The following SPTBN4 variants were observed in gnomAD, a reference collection of about 807,000 sequenced individuals.
SPTBN4 encodes the protein spectrin beta, non-erythrocytic 4.
SPTBN4 carries 96 observed loss-of-function variants against 277.8 expected under a neutral mutation model. That is an observed-to-expected ratio of 0.35 (90% CI 0.29 to 0.41). The LOEUF (loss-of-function observed/expected upper bound fraction) is 0.41. Among genes scored for constraint, SPTBN4 ranks in the 10% least tolerant of loss-of-function variants. The pLI is 1.00. For missense variants in SPTBN4, 3,006 were observed against 3,595.7 expected (o/e 0.84, Z 4.19); for synonymous variants, 1,481 against 1,580.3 (o/e 0.94, Z 1.49).
At chr19:40,501,222 G>C (rs1237977196) in intron 7 of SPTBN4, among the ~76,000 whole-genome samples, 1 of 151,040 alleles carries the variant, frequency 6.6e-6, no homozygotes, top group East Asian at 1.9e-4. Context: ...CTGGACAAGA[G>C]AGCCAGACTC....
chr19:40,535,074 A>G (rs897848179), intron 20 of SPTBN4, among the ~76,000 whole-genome samples: 3 of 151,790 alleles, frequency 2.0e-5, no homozygotes, highest in African/African-American at 7.3e-5. Flanking sequence ...TTTTTTCTTC[A>G]AGATAGTTAC....
chr19:40,520,225 C>CGGGG, intron 16 of SPTBN4, 74 bp downstream of exon 16: 1 of 699,528 alleles, frequency 1.4e-6, no homozygotes, highest in East Asian at 5.3e-5. Flanking sequence ...CAGGGACATG[C>CGGGG]GGGGGTGGGG....
At chr19:40,493,394 C>T (rs1357562573) in intron 5 of SPTBN4, among the ~76,000 whole-genome samples, 1 of 152,130 alleles carries the variant, frequency 6.6e-6, no homozygotes, top group Non-Finnish European at 1.5e-5. Flanking sequence ...GACTACTGCA[C>T]CCCACCCAGT....
rs745857677 is a variant in SPTBN4 at position 40,501,996 on chromosome 19, T to G, written c.860T>G (p.Met287Arg). Residue 287 changes from methionine (M) to arginine (R), a missense_variant, in exon 8 of 36, where the codon ATG becomes AGG. Physicochemically the swap from Met to Arg is moderately conservative, Grantham distance 91 (BLOSUM62 -1). Around this residue, in one of 5 missense-constraint regions of SPTBN4, gnomAD observed 1,759 missense variants for 2,061.5 expected, o/e 0.85. Transcript: ENST00000598249. ...TCTTTCTACCACTATTTCTCCAAGATGAAGGCTCTGGCTGTGGAGGGGAAG... is the reference window on the plus strand; with the variant it reads ...TCTTTCTACCACTATTTCTCCAAGAGGAAGGCTCTGGCTGTGGAGGGGAAG... ...VVSFYHYFSKMKALAVEGKRI... is the reference protein window; with the variant it reads ...VVSFYHYFSKRKALAVEGKRI... 5 of 1,614,080 alleles carry G rather than the reference T, an allele frequency of 3.1e-6. No individual in the cohort carries two copies. Among genetic ancestry groups the G allele is most frequent in the Non-Finnish European group, 4.2e-6 (5 of 1,180,036 alleles).
At position 40,564,580 on chromosome 19, in the gene SPTBN4, C is replaced by T. The variant is rs2081073864; in HGVS notation, c.5916-843C>T. ...TTGGCTGGGTGTGGTGGCTTATGCC[C>T]ATAGCCTTGAACTTTGGGAGGCTGA... is the stretch of plus-strand genomic sequence containing the variant. On this transcript the variant is annotated intron_variant, in intron 27 of 35. Transcript: ENST00000598249. Among the ~76,000 whole-genome samples the T allele has an allele frequency of 3.9e-5, 6 of 152,010 alleles. No homozygotes were observed. The East Asian group carries it at 1.2e-3, about 30-fold the overall frequency.
chr19:40,570,790 G>A, intron 33 of SPTBN4, 62 bp downstream of exon 33: 1 of 1,560,014 alleles, frequency 6.4e-7, no homozygotes, highest in Non-Finnish European at 8.7e-7. Flanking sequence ...ATTGCGTGGA[G>A]CGGTGGGACT....
At chr19:40,511,955 C>T (rs112195042) in intron 13 of SPTBN4, among the ~76,000 whole-genome samples, 2,989 of 152,210 alleles carry the variant, frequency 0.02, 38 homozygotes, top group Admixed American at 0.034. Flanking sequence ...GAAACCCCGT[C>T]TCTACTAAAA....
intron 20 of SPTBN4, among the ~76,000 whole-genome samples, chr19:40,546,225 CA>C (rs557010488): frequency 0.29 from 19,900 of 69,098 alleles, 1,220 homozygotes; most frequent in Middle Eastern, 0.35. Context: ...AACTCCATCT[CA>C]AAAAAAAAAA....
chr19:40,529,672 CAGG>C (rs1468009516), intron 18 of SPTBN4, among the ~76,000 whole-genome samples: 2 of 152,146 alleles, frequency 1.3e-5, no homozygotes, highest in African/African-American at 2.4e-5. Context: ...AGTGACGGTT[CAGG>C]AGACCTGCTG....
rs1421822695 is a variant in SPTBN4, at chr19:40,515,325, A to G, written c.2780A>G (p.Asp927Gly). 6.2e-7 allele frequency: 1 copy of G among 1,612,800 alleles called. No homozygotes were observed. Among genetic ancestry groups the G allele is most frequent in the African/African-American group, 1.3e-5 (1 of 74,872 alleles). The change falls in exon 15 of 36, where the codon GAC becomes GGC. Residue 927 changes from aspartate to glycine, a missense_variant. By Grantham distance (94) the Asp-to-Gly change is moderately conservative. Transcript: ENST00000598249. The surrounding 1 kb of genome is among the most constrained non-coding windows in gnomAD (Gnocchi z 4.1). ...EVVQHRFESL[D>G]QEMNSLMGRV... ...TCCTCCTGCAGATTCGAGAGCCTGG[A>G]CCAAGAGATGAACAGCCTGATGGGC...
intron 20 of SPTBN4, among the ~76,000 whole-genome samples, chr19:40,539,288 T>A (rs998236485): frequency 2.0e-5 from 3 of 152,204 alleles, no homozygotes; most frequent in African/African-American, 7.2e-5. Flanking sequence ...CTCTGAGCCT[T>A]GGATGCCTTC....
rs1305719041 is a variant in SPTBN4, at chr19:40,519,776, C to T, written c.3279C>T (p.Phe1093=). The change falls in exon 16 of 36, where the codon TTC becomes TTT. Residue 1093 remains phenylalanine (F), a synonymous_variant. Transcript: ENST00000598249. The surrounding 1 kb of genome is among the most constrained non-coding windows in gnomAD (Gnocchi z 5.7). ...AVAAAGRLQR[F]LHDLDAFLDW... is the part of the protein sequence containing the mutation. The stretch of plus-strand genomic sequence containing the variant: ...CGGCAGCAGGGCGCCTGCAGCGCTT[C>T]CTACATGACCTCGACGCTTTCCTGG... 3.0e-5 allele frequency: 43 copies of T among 1,417,088 alleles called. No homozygotes were observed. Among genetic ancestry groups the T allele is most frequent in the Non-Finnish European group, 3.6e-5 (40 of 1,099,312 alleles). 87.8% of individuals were successfully genotyped at this position (1,417,088 alleles called of 1,614,324 possible). A position where few individuals can be genotyped will look rare whatever the true frequency, so the allele number is the denominator to read the frequency against.
chr19:40,558,518 G>A (rs2081007791), intron 26 of SPTBN4, among the ~76,000 whole-genome samples: 1 of 152,222 alleles, frequency 6.6e-6, no homozygotes, highest in African/African-American at 2.4e-5. Flanking sequence ...GCAGTCAGAT[G>A]GAAATGAAGC....
chr19:40,541,486 T>C (rs1184276052), intron 20 of SPTBN4, among the ~76,000 whole-genome samples: 1 of 152,212 alleles, frequency 6.6e-6, no homozygotes, highest in Non-Finnish European at 1.5e-5. Flanking sequence ...AAGGCCCTGC[T>C]GTCCCCTGGG....
In SPTBN4 at chr19:40,512,743, G is replaced by C. The variant is rs1004134595; in HGVS notation, c.1954G>C (p.Glu652Gln). ...GCGGAGCCTGTGGGCGCTGCTGCAG[G>C]AGCTGGAGGAGGCCGAGAGCTGGGC... The part of the protein sequence containing the change: ...ASRSLWALLQ[E>Q]LEEAESWARD... Residue 652 changes from glutamate (E) to glutamine (Q), a missense_variant, in exon 14 of 36, where the codon GAG (glutamate) becomes CAG (glutamine). Physicochemically the swap from Glu to Gln is conservative, Grantham distance 29 (BLOSUM62 2). This residue lies in a region of SPTBN4 where 1,759 missense variants were observed against 2,061.5 expected (regional missense o/e 0.85). Transcript: ENST00000598249. 6.6e-7 allele frequency: 1 copy of C among 1,520,034 alleles called. No homozygotes were observed. Among genetic ancestry groups the C allele is most frequent in the Admixed American group, 2.0e-5 (1 of 49,678 alleles). 94.2% of individuals were successfully genotyped at this position (1,520,034 alleles called of 1,614,324 possible).
Position 40,506,395 on chromosome 19 carries a change from T to TG in SPTBN4, c.1816+13dup. The TG allele has an allele frequency of 6.2e-7, 1 of 1,603,394 alleles. No homozygotes were observed. Among genetic ancestry groups the TG allele is most frequent in the East Asian group, 2.2e-5 (1 of 44,714 alleles). ...CTTCTCCCAGCTGCAGGGTGAGTCTTGGGGCTGGGGCTGGGGCTATGGGTG... is the reference window on the plus strand; with the variant it reads ...CTTCTCCCAGCTGCAGGGTGAGTCTTGGGGGCTGGGGCTGGGGCTATGGGTG... On this transcript the variant is annotated intron_variant, in intron 13 of 35. Transcript: ENST00000598249.
At chr19:40,507,871 C>T (rs1230512271) in intron 13 of SPTBN4, among the ~76,000 whole-genome samples, 1 of 152,196 alleles carries the variant, frequency 6.6e-6, no homozygotes. Context: ...TCTCTCGTCT[C>T]TCTCCATCAC....
intron 25 of SPTBN4, among the ~76,000 whole-genome samples, chr19:40,556,584 T>TATGATG (rs35565841): frequency 2.2e-4 from 33 of 151,288 alleles, no homozygotes; most frequent in South Asian, 4.2e-4. Context: ...TATTATTTTT[T>TATGATG]ATGATGATGA....
At position 40,540,051 on chromosome 19, in the gene SPTBN4, C is replaced by T. The variant is rs373910007; in HGVS notation, c.4359+5708C>T. On this transcript the variant is annotated intron_variant, in intron 20 of 35. Coordinates refer to ENST00000598249, the MANE Select transcript of SPTBN4 (RefSeq NM_020971.3). Reference sequence around the variant, plus strand: ...AAGTGATTCTCCTGCCTCAGCCTCCCGAGTAGCTGGGACTATAGGCACCCG... The same window carrying T: ...AAGTGATTCTCCTGCCTCAGCCTCCTGAGTAGCTGGGACTATAGGCACCCG... Among the ~76,000 whole-genome samples, 27 of 151,302 alleles carry T rather than the reference C, an allele frequency of 1.8e-4. 1 individual carries two copies. The highest frequency in any genetic ancestry group is 7.9e-4 in the East Asian group (4 of 5,072).
Sources: gnomAD v4.1 joint callset for allele counts (sites outside exome capture counted in the v4.1 genomes callset) on GRCh38, gnomAD v4.1.1 for gene constraint, gnomAD v4.1.1 regional missense constraint, Gnocchi (gnomAD v3.1) non-coding constraint, MANE v1.5 for transcripts, NCBI Gene and HGNC (gene_info 2026-07-23, HGNC 2026-07-21) for gene names.